CELA2A: variants seen among roughly 807,000 people sequenced by gnomAD.
CELA2A encodes the protein chymotrypsin-like elastase family member 2A.
In CELA2A, 31 loss-of-function variants were observed where a neutral mutation model predicts 35.3. That is an observed-to-expected ratio of 0.88 (90% CI 0.66 to 1.19). CELA2A has a LOEUF of 1.19. Ranked by LOEUF, CELA2A falls within the 50% of genes most tolerant of loss-of-function variation. The pLI, the probability that CELA2A is intolerant of heterozygous loss-of-function variation, is 0.00. For synonymous variants in CELA2A, 150 were observed against 149.8 expected, an observed-to-expected ratio of 1.00 and a Z score of -0.01; for missense variants, 330 against 352.9, an observed-to-expected ratio of 0.94 and a Z score of 0.52.
At chr1:15,469,768 C>T (rs904694875) in intron 7 of CELA2A, among the ~76,000 whole-genome samples, 15 of 152,118 alleles carry the variant, frequency 9.9e-5, no homozygotes, top group East Asian at 1.9e-4. Context: ...CCTTTGGAGG[C>T]GCCACCCACA....
intron 2 of CELA2A, among the ~76,000 whole-genome samples, chr1:15,458,492 T>G (rs917668680): frequency 6.6e-6 from 1 of 152,216 alleles, no homozygotes; most frequent in Non-Finnish European, 1.5e-5. Context: ...TGAATCAGGA[T>G]GAGTTTCTAC....
rs151193689 is a variant in CELA2A, at chr1:15,470,648, G to A, written c.793-1342G>A. Among the ~76,000 whole-genome samples the A allele has an allele frequency of 7.8e-3, 1,180 of 152,106 alleles. 11 individuals carry two copies. The highest frequency in any genetic ancestry group is 0.024 in the Middle Eastern group (7 of 294). The stretch of plus-strand genomic sequence containing the variant: ...CAGGCTGAAATGCAGTGGCTTGATC[G>A]CAGCTCAATGCAACCTCCACCTCCC... On this transcript the variant is annotated intron_variant, in intron 7 of 7. Transcript: ENST00000359621.
intron 3 of CELA2A, chr1:15,462,144 T>C (rs1042814037): frequency 1.1e-5 from 5 of 471,174 alleles, no homozygotes; most frequent in African/African-American, 1.0e-4. Context: ...TGCAACGTTG[T>C]TCACTTATCC....
At position 15,467,425 on chromosome 1, in the gene CELA2A, G is replaced by C. The variant is rs780807302; in HGVS notation, c.679G>C (p.Gly227Arg). 6.2e-7 allele frequency: 1 copy of C among 1,613,890 alleles called. No homozygotes were observed. The highest frequency in any genetic ancestry group is 2.2e-5 in the East Asian group (1 of 44,878). ...GCCACTGAACTGTCAGGCGTCTGAC[G>C]GCCGGTGGCAGGTGCACGGCATCGT... ...GGPLNCQASD[G>R]RWQVHGIVSF... The change falls in exon 7 of 8, where the codon GGC becomes CGC. Residue 227 changes from glycine to arginine, a missense_variant. Coordinates refer to ENST00000359621, the MANE Select transcript of CELA2A (RefSeq NM_033440.3).
chr1:15,457,174 G>T lies in CELA2A; in HGVS notation c.129G>T (p.Gln43His), dbSNP rs1708374052. The change falls in exon 2 of 8, where the codon CAG (glutamine) becomes CAT (histidine). Residue 43 changes from glutamine (Q) to histidine (H), a missense_variant and splice_region_variant. Physicochemically the swap from Gln to His is conservative, Grantham distance 24 (BLOSUM62 0). Transcript: ENST00000359621. ...CGAGGCCCAACAGCTGGCCCTGGCA[G>T]GTGAGTTGACCACACTGTACTTCTC... ...EEARPNSWPW[Q>H]VSLQYSSNGK... 4 of 1,614,060 alleles carry T rather than the reference G, an allele frequency of 2.5e-6. No individual in the cohort carries two copies. The highest frequency in any genetic ancestry group is 3.4e-6 in the Non-Finnish European group (4 of 1,179,942).
At chr1:15,462,620 C>T in intron 3 of CELA2A, 113 bp from the exon 4 acceptor site, 1 of 1,346,040 alleles carries the variant, frequency 7.4e-7, no homozygotes, top group Non-Finnish European at 1.0e-6. Context: ...AGGAAAGATC[C>T]CCAAGTCCCA....
rs146521909 is a variant in CELA2A, at chr1:15,463,515, G to T, written c.486G>T (p.Arg162Ser). Residue 162 changes from arginine to serine, a missense_variant, in exon 5 of 8, where the codon AGG becomes AGT. Coordinates refer to ENST00000359621, the MANE Select transcript of CELA2A (RefSeq NM_033440.3). The stretch of plus-strand genomic sequence containing the variant: ...CCTGCTACGTCACGGGCTGGGGAAG[G>T]CTGCAGAGTAAGTGGGAGCCAGGAG... ...NYPCYVTGWGRLQTNGAVPDV... is the reference protein window; with the variant it reads ...NYPCYVTGWGSLQTNGAVPDV... 117 of 1,613,550 alleles carry T rather than the reference G, an allele frequency of 7.3e-5. No homozygotes were observed. Among genetic ancestry groups the T allele is most frequent in the Middle Eastern group, 1.6e-4 (1 of 6,076 alleles).
chr1:15,469,779 T>G (rs1419772591), intron 7 of CELA2A, among the ~76,000 whole-genome samples: 1 of 152,164 alleles, frequency 6.6e-6, no homozygotes, highest in Non-Finnish European at 1.5e-5. Context: ...GCCACCCACA[T>G]GTCAAAGGAG....
chr1:15,463,043 G>C, intron 4 of CELA2A, 182 bp downstream of exon 4: 1 of 1,023,626 alleles, frequency 9.8e-7, no homozygotes, highest in South Asian at 1.6e-5. Flanking sequence ...GATGTGACCT[G>C]GGGAGGGTGA....
intron 4 of CELA2A, 187 bp downstream of exon 4, chr1:15,463,048 G>A (rs909206370): frequency 5.0e-6 from 5 of 994,936 alleles, no homozygotes; most frequent in East Asian, 4.9e-5. Context: ...GACCTGGGGA[G>A]GGTGAAGCAA....
At chr1:15,467,264 C>T in intron 6 of CELA2A, 122 bp from the exon 7 acceptor site, 2 of 1,018,526 alleles carry the variant, frequency 2.0e-6, no homozygotes, top group Non-Finnish European at 1.5e-6. Context: ...GCTATGACCA[C>T]AAGGGTCAGC....
chr1:15,457,016 T>G, intron 1 of CELA2A, 70 bp from the exon 2 acceptor site: 1 of 1,470,610 alleles, frequency 6.8e-7, no homozygotes, highest in Non-Finnish European at 9.5e-7. Flanking sequence ...GGGGTCAGAA[T>G]GCGCAGCAAG....
intron 7 of CELA2A, among the ~76,000 whole-genome samples, chr1:15,470,780 C>T (rs577828722): frequency 6.6e-6 from 1 of 152,222 alleles, no homozygotes; most frequent in African/African-American, 2.4e-5. Context: ...GGGGTTTCAC[C>T]ATGTTGGCCA....
intron 7 of CELA2A, among the ~76,000 whole-genome samples, chr1:15,470,592 G>C (rs148738781): frequency 1.3e-5 from 2 of 152,112 alleles, no homozygotes; most frequent in Non-Finnish European, 2.9e-5. Flanking sequence ...TTTTGTTTTT[G>C]TTTTTTAAGA....
chr1:15,462,894 G>C (rs770452292), intron 4 of CELA2A, 33 bp downstream of exon 4: 60 of 1,613,770 alleles, frequency 3.7e-5, no homozygotes, highest in Non-Finnish European at 5.1e-5. Flanking sequence ...TTGGGGGTGA[G>C]GTTGTCAGGG....
intron 2 of CELA2A, among the ~76,000 whole-genome samples, chr1:15,458,509 T>C (rs1708391047): frequency 6.6e-6 from 1 of 152,158 alleles, no homozygotes; most frequent in African/African-American, 2.4e-5. Context: ...CTACCTTAAG[T>C]AGGAGGAGCA....
Position 15,461,028 on chromosome 1 carries a change from C to T in CELA2A, c.130-533C>T, listed in dbSNP as rs147949939. Among the ~76,000 whole-genome samples the T allele has an allele frequency of 3.8e-3, 573 of 152,222 alleles. 4 individuals carry two copies. The highest frequency in any genetic ancestry group is 0.012 in the African/African-American group (503 of 41,544). On this transcript the variant is annotated intron_variant, in intron 2 of 7. Transcript: ENST00000359621. ...GGGAAAGGAAACACATCCTTGTTCACGCAGCGGTAGCAGGGAGAAGTGCCG... is the reference window on the plus strand; with the variant it reads ...GGGAAAGGAAACACATCCTTGTTCATGCAGCGGTAGCAGGGAGAAGTGCCG...
chr1:15,464,968 C>T (rs1318491171), intron 5 of CELA2A, among the ~76,000 whole-genome samples: 5 of 143,438 alleles, frequency 3.5e-5, no homozygotes, highest in Non-Finnish European at 6.0e-5. Flanking sequence ...TAATTAATTA[C>T]TTATTAGTGG....
At chr1:15,457,402 A>G in intron 2 of CELA2A, 1 of 494,302 alleles carries the variant, frequency 2.0e-6, no homozygotes, top group Admixed American at 3.4e-5. Flanking sequence ...ACCTGAAGTC[A>G]GGAGTTTGAG....
Sources: allele counts gnomAD v4.1 joint callset (sites outside exome capture counted in the v4.1 genomes callset), GRCh38; gene constraint gnomAD v4.1.1; transcripts MANE v1.5; gene names NCBI Gene and HGNC (gene_info 2026-07-23, HGNC 2026-07-21).